The following AZIN2 variants were observed in gnomAD, a reference collection of about 807,000 sequenced individuals.
The protein encoded by AZIN2 is ODC antizyme inhibitor-2.
A neutral mutation model predicts 47.8 loss-of-function variants in AZIN2; 28 were observed. The observed-to-expected ratio is 0.59, with a 90% confidence interval of 0.43 to 0.80. The LOEUF is 0.80. Ranked by LOEUF, AZIN2 falls within the 30% of genes least tolerant of loss-of-function variation. The pLI is 0.00. For synonymous variants in AZIN2, 221 were observed against 239.4 expected (o/e 0.92, Z 0.71); for missense variants, 535 against 582.5 (o/e 0.92, Z 0.84).
chr1:33,165,299 C>T, the AZIN2 span: 4 of 560,464 alleles, frequency 7.1e-6, no homozygotes, highest in Middle Eastern at 4.8e-4. The surrounding 1 kb of genome is among the most constrained non-coding windows in gnomAD (Gnocchi z 4.0). Context: ...TTGAACTTCA[C>T]GGATGCCCTA....
chr1:33,093,501 C>T, intron 7 of AZIN2, 85 bp downstream of exon 7: 1 of 1,507,854 alleles, frequency 6.6e-7, no homozygotes, highest in Non-Finnish European at 8.9e-7. Context: ...GAGACCTTCC[C>T]CAGGGCCTCT....
intron 10 of AZIN2, among the ~76,000 whole-genome samples, chr1:33,099,384 A>G (rs923229114): frequency 1.3e-5 from 2 of 152,064 alleles, no homozygotes; most frequent in Non-Finnish European, 2.9e-5. Context: ...GGCCTCCCCA[A>G]GGTGCTGAGG....
chr1:33,127,589 G>A (rs1644866259), downstream of AZIN2, among the ~76,000 whole-genome samples: 1 of 152,166 alleles, frequency 6.6e-6, no homozygotes, highest in African/African-American at 2.4e-5. Flanking sequence ...AAGGCCCAGG[G>A]TAACACCGGA....
chr1:33,135,362 T>C, the AZIN2 span, among the ~76,000 whole-genome samples: 9 of 152,176 alleles, frequency 5.9e-5, no homozygotes, highest in African/African-American at 1.4e-4. Flanking sequence ...ACGCTATTCA[T>C]GTGCTTCCCC....
downstream of AZIN2, among the ~76,000 whole-genome samples, chr1:33,123,533 T>C (rs1373417520): frequency 1.3e-5 from 2 of 152,230 alleles, no homozygotes; most frequent in Non-Finnish European, 2.9e-5. Context: ...CTGATAACTT[T>C]ATTTCCCTCA....
At chr1:33,083,895 G>A (rs772426924) in intron 4 of AZIN2, 59 bp from the exon 5 acceptor site, 2 of 1,594,210 alleles carry the variant, frequency 1.3e-6, no homozygotes, top group Non-Finnish European at 1.7e-6. Flanking sequence ...GATCACGGAT[G>A]GCATGCACAG....
chr1:33,082,074 C>A, intron 3 of AZIN2, 104 bp from the exon 4 acceptor site: 1 of 626,546 alleles, frequency 1.6e-6, no homozygotes, highest in Admixed American at 2.4e-5. Flanking sequence ...CGGGCTTGTG[C>A]TGGGGGCGGG....
chr1:33,085,412 A>T (rs1371687985), intron 5 of AZIN2, among the ~76,000 whole-genome samples: 1 of 152,208 alleles, frequency 6.6e-6, no homozygotes, highest in African/African-American at 2.4e-5. Flanking sequence ...CAAGGGATCA[A>T]GCCAGGTAGA....
At chr1:33,140,242 AT>A in the AZIN2 span, among the ~76,000 whole-genome samples, 1 of 152,224 alleles carries the variant, frequency 6.6e-6, no homozygotes, top group Non-Finnish European at 1.5e-5. This position sits in a 1 kb window ranked among gnomAD's most constrained non-coding sequence, Gnocchi z 4.0. Context: ...GTCCAGGGTC[AT>A]TGGTGAGTCA....
chr1:33,120,239 A>C lies in AZIN2; in HGVS notation c.*57A>C. On this transcript the variant is annotated 3_prime_UTR_variant, in exon 12 of 12. Transcript: ENST00000294517. ...GGGGCCTCAGAGATGCATCTGGGAGAGGTGGGGAAGATGGCAGGCAAGGGT... is the reference window on the plus strand; with the variant it reads ...GGGGCCTCAGAGATGCATCTGGGAGCGGTGGGGAAGATGGCAGGCAAGGGT... The C allele has an allele frequency of 6.5e-7, 1 of 1,545,460 alleles. No individual in the cohort carries two copies. The highest frequency in any genetic ancestry group is 8.8e-7 in the Non-Finnish European group (1 of 1,141,284).
the AZIN2 span, among the ~76,000 whole-genome samples, chr1:33,133,458 C>T: frequency 6.6e-6 from 1 of 152,194 alleles, no homozygotes; most frequent in African/African-American, 2.4e-5. Context: ...AATGGCTTAC[C>T]TGGGCCCCTC....
chr1:33,089,632 A>C (rs1249243624), intron 5 of AZIN2, among the ~76,000 whole-genome samples: 1 of 152,194 alleles, frequency 6.6e-6, no homozygotes, highest in Non-Finnish European at 1.5e-5. Context: ...CAGCAAGCCC[A>C]GCTCTGGAGC....
chr1:33,103,150 C>T (rs912854274), intron 10 of AZIN2, among the ~76,000 whole-genome samples: 28 of 152,094 alleles, frequency 1.8e-4, no homozygotes, highest in Admixed American at 1.5e-3. Context: ...CCATTTTCCA[C>T]GCTGCAGACA....
intron 5 of AZIN2, among the ~76,000 whole-genome samples, chr1:33,086,073 T>C (rs144295781): frequency 2.0e-5 from 3 of 152,294 alleles, no homozygotes; most frequent in Non-Finnish European, 4.4e-5. Context: ...GAGTGAGGTG[T>C]TAAGGCTGAG....
chr1:33,163,394 CTG>C, the AZIN2 span: 1 of 152,134 alleles, frequency 6.6e-6, no homozygotes, highest in Non-Finnish European at 1.5e-5. Context: ...GTGCCAGACA[CTG>C]TGCTAGGTTT....
chr1:33,100,180 G>T (rs2124573877), intron 10 of AZIN2, among the ~76,000 whole-genome samples: 1 of 152,188 alleles, frequency 6.6e-6, no homozygotes, highest in Admixed American at 6.5e-5. Flanking sequence ...AATTAGCCGG[G>T]CATGATGGCA....
chr1:33,127,611 T>G (rs1041811279), downstream of AZIN2, among the ~76,000 whole-genome samples: 7 of 152,218 alleles, frequency 4.6e-5, no homozygotes, highest in Non-Finnish European at 8.8e-5. Context: ...GTGGGCTTAT[T>G]TGCGCATCAG....
At chr1:33,096,026 CG>C (rs1434949407) in intron 8 of AZIN2, among the ~76,000 whole-genome samples, 1 of 152,006 alleles carries the variant, frequency 6.6e-6, no homozygotes, top group Non-Finnish European at 1.5e-5. Context: ...TTAGTAGAGA[CG>C]GGGTTTCACC....
In AZIN2 at chr1:33,117,891, T is replaced by G. The variant is rs1329947037; in HGVS notation, c.1030-11T>G. On this transcript the variant is annotated splice_polypyrimidine_tract_variant and intron_variant, in intron 10 of 11. Coordinates refer to ENST00000294517, the MANE Select transcript of AZIN2 (RefSeq NM_052998.4). ...CAGGAGAGCTGGCATGGCCATCCCT[T>G]CTTCCTACAGAAACCATCCACGGAG... 8.7e-6 allele frequency: 14 copies of G among 1,614,034 alleles called. No individual in the cohort carries two copies. Among genetic ancestry groups the G allele is most frequent in the Non-Finnish European group, 1.2e-5 (14 of 1,179,992 alleles).
Sources: allele counts gnomAD v4.1 joint callset (sites outside exome capture counted in the v4.1 genomes callset), GRCh38; gene constraint gnomAD v4.1.1; non-coding constraint Gnocchi (gnomAD v3.1); transcripts MANE v1.5; gene names NCBI Gene and HGNC (gene_info 2026-07-23, HGNC 2026-07-21).